Variants in GMPR observed in about 807,000 individuals in gnomAD.
The protein encoded by GMPR is GMP reductase 1.
A neutral mutation model predicts 38.4 loss-of-function variants in GMPR; 31 were observed. That is an observed-to-expected ratio of 0.81 (90% CI 0.61 to 1.09). The LOEUF (loss-of-function observed/expected upper bound fraction) is 1.09, where lower values mean the gene tolerates loss of function less well. GMPR is among the 50% of genes least tolerant of loss of function. The probability of loss-of-function intolerance (pLI) is 0.00; values close to 1 mark genes in which losing one functional copy is unlikely to be tolerated. For synonymous variants in GMPR, 162 were observed against 173.3 expected, an observed-to-expected ratio of 0.93 and a Z score of 0.51; for missense variants, 468 against 453.7, an observed-to-expected ratio of 1.03 and a Z score of -0.29.
At chr6:16,250,136 T>C (rs1396224564) in intron 2 of GMPR, 148 bp from the exon 3 acceptor site, 1 of 655,942 alleles carries the variant, frequency 1.5e-6, no homozygotes, top group African/African-American at 1.8e-5. Context: ...TGTTTGGTTT[T>C]GGCTGCTAGG....
At position 16,238,899 on chromosome 6, in the gene GMPR, G is replaced by A. The variant is rs1758590898; in HGVS notation, c.87+119G>A. ...GCCTGCTTTGGTGTTTGAGACTGGG[G>A]CGCTGCGCCCCCGTTCCCGCGCCCC... On this transcript the variant is annotated intron_variant, in intron 1 of 8. Coordinates refer to ENST00000259727, the MANE Select transcript of GMPR (RefSeq NM_006877.4). 1.0e-5 allele frequency: 4 copies of A among 386,402 alleles called. No homozygotes were observed. In the South Asian group the frequency reaches 2.6e-4, roughly 25 times the overall value. The allele number at this position is 386,402 out of a possible 1,614,324, so 23.9% of individuals were successfully genotyped here.
intron 6 of GMPR, among the ~76,000 whole-genome samples, chr6:16,283,778 A>AT (rs1443601149): frequency 3.9e-5 from 6 of 152,284 alleles, no homozygotes; most frequent in African/African-American, 7.2e-5. Context: ...CAAAAGAGTG[A>AT]TTTTTTTAAA....
intron 4 of GMPR, among the ~76,000 whole-genome samples, chr6:16,268,471 G>A (rs1378937083): frequency 6.6e-6 from 1 of 152,172 alleles, no homozygotes; most frequent in Non-Finnish European, 1.5e-5. Flanking sequence ...TAGAGACGAG[G>A]TTTTGCCATA....
rs780491128 is a variant in GMPR at position 16,290,632 on chromosome 6, G to A, written c.857+11G>A. ...AGTTGCTGAGTACAGGTGAGGAGGT[G>A]ACCCCGGGGCGCACCCTCGAGGCCT... On this transcript the variant is annotated intron_variant, in intron 8 of 8. Transcript: ENST00000259727. The A allele has an allele frequency of 9.9e-6, 16 of 1,611,032 alleles. No individual in the cohort carries two copies. In the Admixed American group the frequency reaches 1.5e-4, roughly 15 times the overall value.
chr6:16,288,015 C>T (rs968070813), intron 7 of GMPR, among the ~76,000 whole-genome samples: 3 of 152,256 alleles, frequency 2.0e-5, no homozygotes, highest in African/African-American at 7.2e-5. Context: ...AATACATCTG[C>T]GCCCTGCTAC....
At chr6:16,282,028 C>T (rs984031179) in intron 6 of GMPR, among the ~76,000 whole-genome samples, 10 of 152,186 alleles carry the variant, frequency 6.6e-5, no homozygotes, top group African/African-American at 2.2e-4. Context: ...TGCCAGTAGC[C>T]CTGAACCTGC....
chr6:16,255,436 G>C (rs1758954168), intron 4 of GMPR, among the ~76,000 whole-genome samples: 1 of 152,200 alleles, frequency 6.6e-6, no homozygotes, highest in African/African-American at 2.4e-5. Flanking sequence ...CCTACTGCCA[G>C]CAGGAAACTC....
chr6:16,270,001 G>A (rs1010305483), intron 4 of GMPR, among the ~76,000 whole-genome samples: 1 of 152,124 alleles, frequency 6.6e-6, no homozygotes, highest in Non-Finnish European at 1.5e-5. Flanking sequence ...TGGGGGCTCT[G>A]CCCCCATGAC....
At chr6:16,257,480 G>A (rs1377078464) in intron 4 of GMPR, among the ~76,000 whole-genome samples, 1 of 152,130 alleles carries the variant, frequency 6.6e-6, no homozygotes, top group Non-Finnish European at 1.5e-5. Flanking sequence ...CTTGGTTCCT[G>A]AAGCTAATCT....
chr6:16,271,553 T>G (rs952684584), intron 4 of GMPR, among the ~76,000 whole-genome samples: 2 of 152,212 alleles, frequency 1.3e-5, no homozygotes, highest in Non-Finnish European at 2.9e-5. Context: ...TTTGTGGTTT[T>G]GTTTGGTTGT....
At chr6:16,271,946 C>T (rs1230211173) in intron 4 of GMPR, among the ~76,000 whole-genome samples, 2 of 152,130 alleles carry the variant, frequency 1.3e-5, no homozygotes, top group East Asian at 3.9e-4. Flanking sequence ...TGCGGTGCCT[C>T]ACACCTGTAA....
intron 5 of GMPR, among the ~76,000 whole-genome samples, chr6:16,277,023 C>T (rs1375335169): frequency 6.6e-6 from 1 of 152,198 alleles, no homozygotes; most frequent in Non-Finnish European, 1.5e-5. Context: ...GCAGCTGAGG[C>T]CCCCACCCCC....
intron 4 of GMPR, among the ~76,000 whole-genome samples, chr6:16,267,138 C>T (rs758806594): frequency 4.0e-5 from 6 of 151,810 alleles, no homozygotes; most frequent in East Asian, 2.0e-4. Context: ...CCGAGGTGGG[C>T]GGATCACCAG....
At chr6:16,271,401 G>A (rs1759383412) in intron 4 of GMPR, among the ~76,000 whole-genome samples, 1 of 152,140 alleles carries the variant, frequency 6.6e-6, no homozygotes, top group South Asian at 2.1e-4. Flanking sequence ...CAGGAGAATC[G>A]CTTGAGCCTG....
At chr6:16,256,003 G>A (rs2113675928) in intron 4 of GMPR, among the ~76,000 whole-genome samples, 1 of 151,404 alleles carries the variant, frequency 6.6e-6, no homozygotes, top group South Asian at 2.1e-4. Context: ...ATCACCTGAG[G>A]TCAGGAATTT....
At chr6:16,285,632 C>A (rs747708996) in intron 6 of GMPR, among the ~76,000 whole-genome samples, 161 bp from the exon 7 acceptor site, 1 of 152,172 alleles carries the variant, frequency 6.6e-6, no homozygotes, top group Non-Finnish European at 1.5e-5. Context: ...GGAGTACACT[C>A]GATCAGACAA....
chr6:16,248,255 AAAAAT>A (rs1389783229), intron 2 of GMPR, among the ~76,000 whole-genome samples: 1 of 151,204 alleles, frequency 6.6e-6, no homozygotes, highest in African/African-American at 2.4e-5. Flanking sequence ...AAAAAAAAAA[AAAAAT>A]TCATTGTATA....
chr6:16,257,726 T>C (rs955041954), intron 4 of GMPR, among the ~76,000 whole-genome samples: 2 of 152,218 alleles, frequency 1.3e-5, no homozygotes, highest in Non-Finnish European at 2.9e-5. Flanking sequence ...TCACCGTTCC[T>C]CATAGGTGGT....
intron 8 of GMPR, among the ~76,000 whole-genome samples, chr6:16,291,249 A>C (rs548737320): frequency 6.6e-6 from 1 of 151,836 alleles, no homozygotes; most frequent in South Asian, 2.1e-4. Flanking sequence ...TTTGTGGTGG[A>C]GTCGTGCTCT....
Sources: gnomAD v4.1 joint callset for allele counts (sites outside exome capture counted in the v4.1 genomes callset) on GRCh38, gnomAD v4.1.1 for gene constraint, MANE v1.5 for transcripts, NCBI Gene and HGNC (gene_info 2026-07-23, HGNC 2026-07-21) for gene names.